The following FAF1 variants were observed in gnomAD, a reference collection of about 807,000 sequenced individuals.
FAF1 encodes FAS-associated factor 1.
FAF1 carries 25 observed loss-of-function variants against 92.5 expected under a neutral mutation model. The observed-to-expected ratio is 0.27, with a 90% confidence interval of 0.20 to 0.38. The LOEUF is 0.38. FAF1 is among the 10% of genes least tolerant of loss of function. FAF1 has a pLI of 1.00. For synonymous variants in FAF1, 234 were observed against 273.2 expected (o/e 0.86, Z 1.42); for missense variants, 636 against 793.3 (o/e 0.80, Z 2.38).
chr1:50,888,913 T>A (rs892210875), intron 1 of FAF1, among the ~76,000 whole-genome samples: 1 of 152,234 alleles, frequency 6.6e-6, no homozygotes, highest in Non-Finnish European at 1.5e-5. Flanking sequence ...CTTTTTCTAT[T>A]GATTGGAATA....
intron 18 of FAF1, among the ~76,000 whole-genome samples, chr1:50,446,824 C>T (rs1230073643): frequency 6.6e-6 from 1 of 151,822 alleles, no homozygotes; most frequent in Non-Finnish European, 1.5e-5. Flanking sequence ...GTTCCTAATG[C>T]ATTTAACAGT....
intron 13 of FAF1, among the ~76,000 whole-genome samples, chr1:50,552,560 T>G (rs1649363500): frequency 6.6e-6 from 1 of 152,052 alleles, no homozygotes; most frequent in Non-Finnish European, 1.5e-5. Flanking sequence ...AAATAGAAAA[T>G]AAATGTTAAA....
chr1:50,724,820 A>AT (rs201378113), intron 6 of FAF1, among the ~76,000 whole-genome samples: 5 of 151,914 alleles, frequency 3.3e-5, no homozygotes, highest in Non-Finnish European at 5.9e-5. Context: ...GTTCTCTACC[A>AT]TTTTTTTTAC....
At chr1:50,553,920 T>C (rs1318389256) in intron 13 of FAF1, among the ~76,000 whole-genome samples, 1 of 151,998 alleles carries the variant, frequency 6.6e-6, no homozygotes, top group Non-Finnish European at 1.5e-5. Flanking sequence ...AGCTATCTTT[T>C]GAAGCTTTCA....
chr1:50,664,456 G>A (rs1302121247), intron 7 of FAF1, among the ~76,000 whole-genome samples: 1 of 151,624 alleles, frequency 6.6e-6, no homozygotes, highest in African/African-American at 2.4e-5. Context: ...CTGAAGAAAT[G>A]TCCCTAACCA....
chr1:50,690,600 A>G (rs532090595), intron 7 of FAF1, among the ~76,000 whole-genome samples: 1 of 152,258 alleles, frequency 6.6e-6, no homozygotes, highest in Admixed American at 6.5e-5. Context: ...GACTGTCTCA[A>G]AAACAAACAA....
intron 15 of FAF1, among the ~76,000 whole-genome samples, chr1:50,532,853 C>T (rs1284665229): frequency 6.6e-6 from 1 of 151,990 alleles, no homozygotes; most frequent in African/African-American, 2.4e-5. Flanking sequence ...ACTCTGTCAC[C>T]CAGACTGGAG....
intron 15 of FAF1, among the ~76,000 whole-genome samples, chr1:50,517,385 GAAGT>G (rs1647254981): frequency 6.6e-6 from 1 of 152,168 alleles, no homozygotes. Context: ...GTAGAATAAT[GAAGT>G]AAGATTAAGT....
At chr1:50,539,083 T>C (rs1356533503) in intron 14 of FAF1, among the ~76,000 whole-genome samples, 2 of 152,254 alleles carry the variant, frequency 1.3e-5, no homozygotes, top group African/African-American at 4.8e-5. Context: ...GTAAAGAATG[T>C]GCACTGTGGT....
intron 1 of FAF1, among the ~76,000 whole-genome samples, chr1:50,954,855 T>C (rs1277657867): frequency 6.6e-6 from 1 of 152,130 alleles, no homozygotes; most frequent in Non-Finnish European, 1.5e-5. Context: ...AACATTTGTT[T>C]TTAATTAGCC....
At chr1:50,907,777 T>C (rs1644852183) in intron 1 of FAF1, among the ~76,000 whole-genome samples, 1 of 152,208 alleles carries the variant, frequency 6.6e-6, no homozygotes, top group African/African-American at 2.4e-5. Flanking sequence ...TCTTTTCTTC[T>C]TTATTAGTCC....
chr1:50,819,717 GTATATATATATACATATATATACA>G (rs1353738459), intron 2 of FAF1, among the ~76,000 whole-genome samples: 887 of 12,744 alleles, frequency 0.07, 74 homozygotes, highest in East Asian at 0.23. Flanking sequence ...ATATATATAC[GTATATATATATACATATATATACA>G]TATATATATA....
At chr1:50,643,813 A>G (rs1654456417) in intron 8 of FAF1, among the ~76,000 whole-genome samples, 1 of 152,006 alleles carries the variant, frequency 6.6e-6, no homozygotes, top group South Asian at 2.1e-4. Flanking sequence ...GGCTGGTCTC[A>G]AACTCCAGAG....
chr1:50,550,045 T>C (rs949051532), intron 13 of FAF1, among the ~76,000 whole-genome samples: 14 of 151,998 alleles, frequency 9.2e-5, no homozygotes, highest in Admixed American at 8.5e-4. Flanking sequence ...ATCACCCTAA[T>C]GGATATAAAA....
At chr1:50,686,495 T>C (rs1656663382) in intron 7 of FAF1, among the ~76,000 whole-genome samples, 1 of 151,432 alleles carries the variant, frequency 6.6e-6, no homozygotes, top group Non-Finnish European at 1.5e-5. Context: ...TGAGCTGAGA[T>C]TGCACCATTG....
intron 1 of FAF1, among the ~76,000 whole-genome samples, chr1:50,882,366 G>C (rs1644618919): frequency 6.6e-6 from 1 of 151,964 alleles, no homozygotes; most frequent in Non-Finnish European, 1.5e-5. Context: ...GGCCAAGGCG[G>C]GTGGATTACT....
At chr1:50,673,796 A>G (rs1197300876) in intron 7 of FAF1, among the ~76,000 whole-genome samples, 2 of 152,212 alleles carry the variant, frequency 1.3e-5, no homozygotes, top group Non-Finnish European at 2.9e-5. Flanking sequence ...CTAAAACTTA[A>G]TATCAAGTAA....
chr1:50,651,748 A>G (rs1654873559), intron 8 of FAF1, among the ~76,000 whole-genome samples: 1 of 152,174 alleles, frequency 6.6e-6, no homozygotes, highest in African/African-American at 2.4e-5. Flanking sequence ...TCATGCCCTA[A>G]GCTGTGAGGA....
intron 15 of FAF1, among the ~76,000 whole-genome samples, chr1:50,510,774 T>A (rs1647125038): frequency 6.6e-6 from 1 of 152,220 alleles, no homozygotes; most frequent in Non-Finnish European, 1.5e-5. Context: ...CTCTTTTTTT[T>A]AAGGACATAC....
Sources: gnomAD v4.1 joint callset for allele counts (sites outside exome capture counted in the v4.1 genomes callset) on GRCh38, gnomAD v4.1.1 for gene constraint, MANE v1.5 for transcripts, NCBI Gene and HGNC (gene_info 2026-07-23, HGNC 2026-07-21) for gene names.